NRXN3: variants seen among roughly 807,000 people sequenced by gnomAD.
NRXN3 encodes the protein neurexin 3, also known as neurexin III.
A neutral mutation model predicts 137.6 loss-of-function variants in NRXN3; 32 were observed. The ratio of observed to expected loss-of-function variants is 0.23; its 90% CI spans 0.18 to 0.31. The LOEUF (loss-of-function observed/expected upper bound fraction) is 0.31. Ranked by LOEUF, NRXN3 falls within the 10% of genes least tolerant of loss-of-function variation. The pLI, the probability that NRXN3 is intolerant of heterozygous loss-of-function variation, is 1.00. For missense variants in NRXN3, 1,574 were observed against 2,062.5 expected (o/e 0.76, Z 4.59); for synonymous variants, 798 against 784.5 (o/e 1.02, Z -0.29).
chr14:79,596,766 G>A (rs1474839948), intron 16 of NRXN3, among the ~76,000 whole-genome samples: 4 of 152,098 alleles, frequency 2.6e-5, no homozygotes, highest in Non-Finnish European at 5.9e-5. Flanking sequence ...TGGTTGGAAT[G>A]TTTCTGGACT....
At chr14:79,512,040 C>T (rs1380181948) in intron 16 of NRXN3, among the ~76,000 whole-genome samples, 4 of 152,148 alleles carry the variant, frequency 2.6e-5, no homozygotes, top group Non-Finnish European at 4.4e-5. Flanking sequence ...GCTGGGATTA[C>T]AGGTGTGTGC....
chr14:78,771,285 C>T (rs777571457), intron 8 of NRXN3, among the ~76,000 whole-genome samples: 8 of 152,102 alleles, frequency 5.3e-5, no homozygotes, highest in Non-Finnish European at 1.0e-4. Flanking sequence ...TGTCTAAGCT[C>T]TTCAAAACCT....
intron 15 of NRXN3, among the ~76,000 whole-genome samples, chr14:79,438,456 A>T (rs982098382): frequency 6.6e-6 from 1 of 152,190 alleles, no homozygotes; most frequent in African/African-American, 2.4e-5. Context: ...GTTCCAGGTA[A>T]AGAAGTACTA....
chr14:79,409,153 T>C lies in NRXN3; in HGVS notation c.3263-58068T>C, dbSNP rs139049455. 7.9e-5 allele frequency among the ~76,000 whole-genome samples: 12 copies of C among 152,188 alleles called. No homozygotes were observed. In the East Asian group the frequency reaches 2.3e-3, roughly 30 times the overall value. On this transcript the variant is annotated intron_variant, in intron 15 of 20. Transcript: ENST00000335750. ...GCAATCTTTGCAAAGTGAATTAATA[T>C]ATGAATGCTTGCTAAGGCAAGATAA...
intron 10 of NRXN3, among the ~76,000 whole-genome samples, chr14:78,920,139 C>T (rs1276192490): frequency 6.6e-6 from 1 of 152,138 alleles, no homozygotes; most frequent in Non-Finnish European, 1.5e-5. Flanking sequence ...CTTTGGTGTA[C>T]CTGGAGCTCT....
chr14:78,988,386 C>T (rs143061195), intron 15 of NRXN3: 20 of 469,802 alleles, frequency 4.3e-5, no homozygotes, highest in African/African-American at 1.6e-4. Flanking sequence ...ATTAGAATAG[C>T]GACTGAGAAA....
At chr14:78,790,261 A>C (rs1595882970) in intron 8 of NRXN3, among the ~76,000 whole-genome samples, 2 of 150,900 alleles carry the variant, frequency 1.3e-5, no homozygotes, top group East Asian at 3.8e-4. Context: ...AAAAATATGA[A>C]AGAGTACATG....
chr14:78,606,657 G>T (rs558379818), intron 4 of NRXN3, among the ~76,000 whole-genome samples: 1 of 152,208 alleles, frequency 6.6e-6, no homozygotes, highest in Non-Finnish European at 1.5e-5. Flanking sequence ...ATATGTTTTG[G>T]ACTAAAATAT....
chr14:78,842,002 C>G (rs2099013802), intron 10 of NRXN3, among the ~76,000 whole-genome samples: 1 of 152,118 alleles, frequency 6.6e-6, no homozygotes, highest in Admixed American at 6.6e-5. Flanking sequence ...GCCTGACACA[C>G]AGAAAGTACT....
intron 10 of NRXN3, among the ~76,000 whole-genome samples, chr14:78,823,296 C>A (rs1412550543): frequency 3.3e-5 from 5 of 152,120 alleles, no homozygotes; most frequent in Non-Finnish European, 5.9e-5. Context: ...TAGTCTTAGC[C>A]AACAGGTTGT....
intron 10 of NRXN3, among the ~76,000 whole-genome samples, chr14:78,876,031 C>T (rs963426656): frequency 6.6e-5 from 10 of 152,150 alleles, no homozygotes; most frequent in African/African-American, 2.4e-4. Flanking sequence ...TTATGTCTAT[C>T]AGCCCAGCAG....
chr14:79,042,569 T>G (rs1223643461), intron 15 of NRXN3, among the ~76,000 whole-genome samples: 2 of 152,210 alleles, frequency 1.3e-5, no homozygotes, highest in Non-Finnish European at 2.9e-5. Flanking sequence ...TTTTACATTG[T>G]GTTTTTCTTT....
At chr14:79,480,169 G>A (rs1032208740) in intron 16 of NRXN3, among the ~76,000 whole-genome samples, 7 of 152,122 alleles carry the variant, frequency 4.6e-5, no homozygotes, top group Admixed American at 3.9e-4. Flanking sequence ...GCAGAGTATA[G>A]TAAATACTTG....
intron 2 of NRXN3, among the ~76,000 whole-genome samples, chr14:78,249,778 C>A (rs1421507790): frequency 6.6e-6 from 1 of 152,002 alleles, no homozygotes. Flanking sequence ...GAAGTTAATA[C>A]CATTAGCTCC....
At chr14:79,195,981 T>C (rs1485617173) in intron 15 of NRXN3, among the ~76,000 whole-genome samples, 2 of 152,212 alleles carry the variant, frequency 1.3e-5, no homozygotes, top group African/African-American at 2.4e-5. Flanking sequence ...ACCAAATGAC[T>C]AGCTGGGACT....
At chr14:79,119,590 T>A (rs1490388777) in intron 15 of NRXN3, among the ~76,000 whole-genome samples, 2 of 152,154 alleles carry the variant, frequency 1.3e-5, no homozygotes, top group Admixed American at 1.3e-4. Flanking sequence ...AAGTTTCATC[T>A]CCCAAAAGAT....
intron 19 of NRXN3, among the ~76,000 whole-genome samples, chr14:79,735,533 G>C (rs2098938945): frequency 6.6e-6 from 1 of 152,082 alleles, no homozygotes; most frequent in African/African-American, 2.4e-5. Flanking sequence ...TATGAAAGCA[G>C]GAAGAAATGA....
At chr14:78,246,905 G>C (rs933411291) in intron 2 of NRXN3, among the ~76,000 whole-genome samples, 2 of 152,208 alleles carry the variant, frequency 1.3e-5, no homozygotes, top group African/African-American at 4.8e-5. Context: ...ACTGAGACCA[G>C]GGGGCTTATT....
intron 16 of NRXN3, among the ~76,000 whole-genome samples, chr14:79,602,405 C>A (rs1264289024): frequency 6.6e-6 from 1 of 152,198 alleles, no homozygotes; most frequent in African/African-American, 2.4e-5. Context: ...AGTGCTCACC[C>A]TACTCTTTCT....
Sources: allele counts gnomAD v4.1 joint callset (sites outside exome capture counted in the v4.1 genomes callset), GRCh38; gene constraint gnomAD v4.1.1; transcripts MANE v1.5; gene names NCBI Gene and HGNC (gene_info 2026-07-23, HGNC 2026-07-21).